Variants in VKORC1L1 observed in about 807,000 individuals in gnomAD.
VKORC1L1 encodes vitamin K epoxide reductase complex subunit 1L1, also known as vitamin K epoxide reductase complex subunit 1-like protein 1.
In VKORC1L1, 2 loss-of-function variants were observed where a neutral mutation model predicts 18.9. The ratio of observed to expected loss-of-function variants is 0.11; its 90% CI spans 0.04 to 0.33. The LOEUF (loss-of-function observed/expected upper bound fraction) is 0.33, where lower values mean the gene tolerates loss of function less well. VKORC1L1 is among the 10% of genes least tolerant of loss of function. The pLI is 1.00. For synonymous variants in VKORC1L1, 96 were observed against 100.0 expected, an observed-to-expected ratio of 0.96 and a Z score of 0.24; for missense variants, 123 against 224.1, an observed-to-expected ratio of 0.55 and a Z score of 2.88.
intron 1 of VKORC1L1, among the ~76,000 whole-genome samples, chr7:65,929,349 T>C (rs932544660): frequency 6.6e-6 from 1 of 151,976 alleles, no homozygotes; most frequent in Non-Finnish European, 1.5e-5. Flanking sequence ...GAGGCAGAGG[T>C]TGCAGTGAGC....
At chr7:65,895,825 T>G (rs1426577312) in intron 1 of VKORC1L1, among the ~76,000 whole-genome samples, 1 of 151,250 alleles carries the variant, frequency 6.6e-6, no homozygotes, top group East Asian at 1.9e-4. Context: ...AGTGAATTCC[T>G]TAGTAAATGG....
intron 1 of VKORC1L1, among the ~76,000 whole-genome samples, chr7:65,942,342 A>G (rs183801275): frequency 6.6e-6 from 1 of 151,670 alleles, no homozygotes; most frequent in Non-Finnish European, 1.5e-5. Flanking sequence ...CAAAAAAAAA[A>G]CTAGCCTGAC....
intron 1 of VKORC1L1, among the ~76,000 whole-genome samples, chr7:65,881,983 G>A (rs889776584): frequency 1.3e-5 from 2 of 152,018 alleles, no homozygotes; most frequent in African/African-American, 4.8e-5. Context: ...GGGAGGCTGA[G>A]GCAGGAGAAT....
At chr7:65,877,480 T>C (rs1442935975) in intron 1 of VKORC1L1, among the ~76,000 whole-genome samples, 1 of 152,118 alleles carries the variant, frequency 6.6e-6, no homozygotes, top group Non-Finnish European at 1.5e-5. Flanking sequence ...CCCAAGGAGC[T>C]GGGATTACAG....
chr7:65,886,535 T>A (rs960099801), intron 1 of VKORC1L1, among the ~76,000 whole-genome samples: 40 of 152,148 alleles, frequency 2.6e-4, no homozygotes, highest in African/African-American at 9.1e-4. Context: ...GTTTTTTTTT[T>A]ATTATTTTAT....
At chr7:65,896,815 A>G (rs1789221596) in intron 1 of VKORC1L1, among the ~76,000 whole-genome samples, 2 of 152,166 alleles carry the variant, frequency 1.3e-5, no homozygotes, top group Non-Finnish European at 2.9e-5. Context: ...AGCCTGGCCA[A>G]CAAGGTGAAA....
At chr7:65,909,820 C>T (rs553550302) in intron 1 of VKORC1L1, among the ~76,000 whole-genome samples, 6 of 151,208 alleles carry the variant, frequency 4.0e-5, no homozygotes, top group East Asian at 2.0e-4. Context: ...CAGGTTCAAG[C>T]GATTCTCTTG....
chr7:65,912,335 T>G (rs1351595833), intron 1 of VKORC1L1, among the ~76,000 whole-genome samples: 7 of 152,214 alleles, frequency 4.6e-5, no homozygotes, highest in Non-Finnish European at 8.8e-5. Context: ...TTGTTTTTTC[T>G]CCAGGAAGCC....
intron 1 of VKORC1L1, among the ~76,000 whole-genome samples, chr7:65,901,542 GAAAC>G (rs1789317249): frequency 6.6e-6 from 1 of 152,212 alleles, no homozygotes; most frequent in Non-Finnish European, 1.5e-5. Flanking sequence ...TGAAAGCTGG[GAAAC>G]AAACCTACTG....
At chr7:65,931,680 G>C (rs1331701386) in intron 1 of VKORC1L1, among the ~76,000 whole-genome samples, 1 of 152,006 alleles carries the variant, frequency 6.6e-6, no homozygotes, top group East Asian at 1.9e-4. Context: ...CTCGCTCTGT[G>C]TCCCAAGCTG....
chr7:65,949,492 T>G (rs912666827), intron 2 of VKORC1L1, among the ~76,000 whole-genome samples: 2 of 142,178 alleles, frequency 1.4e-5, no homozygotes, highest in African/African-American at 2.6e-5. Context: ...AAAAAAGAAA[T>G]AAATAATAAT....
intron 1 of VKORC1L1, among the ~76,000 whole-genome samples, chr7:65,944,908 C>A (rs1417697032): frequency 1.3e-5 from 2 of 150,498 alleles, no homozygotes; most frequent in Admixed American, 1.3e-4. Context: ...CAGAGTGAGA[C>A]CCCGTCTCAA....
intron 1 of VKORC1L1, among the ~76,000 whole-genome samples, chr7:65,927,315 G>A (rs775669452): frequency 2.0e-5 from 3 of 152,000 alleles, no homozygotes; most frequent in Non-Finnish European, 4.4e-5. Flanking sequence ...AAATCATAAT[G>A]GGTACAATGT....
At chr7:65,907,443 A>G (rs967619682) in intron 1 of VKORC1L1, among the ~76,000 whole-genome samples, 4 of 152,198 alleles carry the variant, frequency 2.6e-5, no homozygotes, top group Non-Finnish European at 4.4e-5. Context: ...AAATAAATAA[A>G]TAAAATAAAT....
At position 65,943,580 on chromosome 7, in the gene VKORC1L1, G is replaced by T. The variant is rs1485782259; in HGVS notation, c.195-5091G>T. On this transcript the variant is annotated intron_variant, in intron 1 of 2. Coordinates refer to ENST00000360768, the MANE Select transcript of VKORC1L1 (RefSeq NM_173517.6). ...CCAAGGTCCATTCTTCCTTTTTAAT[G>T]GTCAGGAGTTCGAGACCAGCCTGGC... 2.0e-5 allele frequency among the ~76,000 whole-genome samples: 3 copies of T among 152,140 alleles called. No individual in the cohort carries two copies. The East Asian group carries it at 5.8e-4, about 29-fold the overall frequency.
At chr7:65,945,762 A>G (rs559237800) in intron 1 of VKORC1L1, among the ~76,000 whole-genome samples, 46 of 152,300 alleles carry the variant, frequency 3.0e-4, no homozygotes, top group Non-Finnish European at 6.5e-4. Context: ...TATAACTTTG[A>G]TAATATATTC....
chr7:65,894,254 C>CA (rs1789155487), intron 1 of VKORC1L1, among the ~76,000 whole-genome samples: 1 of 150,460 alleles, frequency 6.6e-6, no homozygotes, highest in Non-Finnish European at 1.5e-5. Context: ...TGCGCCCAGC[C>CA]AAAATTTTTT....
In VKORC1L1 at chr7:65,879,491, T is replaced by A. The variant is rs951383009; in HGVS notation, c.194+5926T>A. Among the ~76,000 whole-genome samples the A allele has an allele frequency of 3.3e-5, 5 of 152,218 alleles. 1 individual carries two copies. The highest frequency in any genetic ancestry group is 4.4e-5 in the Non-Finnish European group (3 of 68,048). On this transcript the variant is annotated intron_variant, in intron 1 of 2. Transcript: ENST00000360768. The stretch of plus-strand genomic sequence containing the variant: ...GTTTTGCATACATTATTGAAGTCTC[T>A]CAAGAGTCCCATGAGGCAGGTAGCT...
chr7:65,909,651 G>A (rs531880316), intron 1 of VKORC1L1, among the ~76,000 whole-genome samples: 43 of 149,922 alleles, frequency 2.9e-4, no homozygotes, highest in Middle Eastern at 3.4e-3. Context: ...ATCATCTGTC[G>A]AAACTGTTCT....
Sources: allele counts gnomAD v4.1 joint callset (sites outside exome capture counted in the v4.1 genomes callset), GRCh38; gene constraint gnomAD v4.1.1; transcripts MANE v1.5; gene names NCBI Gene and HGNC (gene_info 2026-07-23, HGNC 2026-07-21).